Variants in ZFYVE9 observed in about 807,000 individuals in gnomAD.
ZFYVE9 encodes the protein zinc finger FYVE domain-containing protein 9.
Under a neutral mutation model 126.7 loss-of-function variants are expected in ZFYVE9, and 43 were observed. That is an observed-to-expected ratio of 0.34 (90% CI 0.27 to 0.44). The LOEUF (loss-of-function observed/expected upper bound fraction) is 0.44. Ranked by LOEUF, ZFYVE9 falls within the 20% of genes least tolerant of loss-of-function variation. The pLI is 1.00. For missense variants in ZFYVE9, 1,476 were observed against 1,697.0 expected (o/e 0.87, Z 2.29); for synonymous variants, 521 against 597.4 (o/e 0.87, Z 1.87).
chr1:52,287,203 C>T (rs903860035), intron 10 of ZFYVE9, among the ~76,000 whole-genome samples: 3 of 152,160 alleles, frequency 2.0e-5, no homozygotes, highest in Admixed American at 2.0e-4. Context: ...GATTCTCCTG[C>T]CTCAGCCTCC....
intron 1 of ZFYVE9, among the ~76,000 whole-genome samples, chr1:52,178,796 T>C (rs1644666164): frequency 6.6e-6 from 1 of 151,948 alleles, no homozygotes; most frequent in Non-Finnish European, 1.5e-5. Flanking sequence ...TAGGAAGGGA[T>C]GGATTCAAGA....
intron 12 of ZFYVE9, among the ~76,000 whole-genome samples, chr1:52,297,498 T>G (rs1248029504): frequency 6.7e-6 from 1 of 149,980 alleles, no homozygotes; most frequent in South Asian, 2.1e-4. Flanking sequence ...CTCAACCTCC[T>G]AAAGTGCTGG....
chr1:52,277,835 A>G (rs1645762964), intron 8 of ZFYVE9, among the ~76,000 whole-genome samples: 1 of 152,206 alleles, frequency 6.6e-6, no homozygotes, highest in Non-Finnish European at 1.5e-5. Context: ...ATTAAATGAG[A>G]AGAGTTACAT....
At chr1:52,336,135 A>T (rs1328611603) in intron 15 of ZFYVE9, among the ~76,000 whole-genome samples, 1 of 138,460 alleles carries the variant, frequency 7.2e-6, no homozygotes, top group Non-Finnish European at 1.5e-5. Context: ...CTCTATCTTT[A>T]AAAAAAAAAA....
intron 13 of ZFYVE9, among the ~76,000 whole-genome samples, chr1:52,322,020 A>G (rs911446967): frequency 3.9e-5 from 6 of 152,114 alleles, no homozygotes; most frequent in Admixed American, 1.3e-4. Flanking sequence ...TGACTGTCTT[A>G]TTGCCCACTT....
At chr1:52,155,133 C>T (rs1372582366) in intron 1 of ZFYVE9, among the ~76,000 whole-genome samples, 2 of 151,970 alleles carry the variant, frequency 1.3e-5, no homozygotes, top group African/African-American at 2.4e-5. Context: ...CTAGTGAATG[C>T]AGATCATTAT....
chr1:52,289,244 C>T (rs1204710087), intron 10 of ZFYVE9, among the ~76,000 whole-genome samples: 1 of 152,102 alleles, frequency 6.6e-6, no homozygotes, highest in African/African-American at 2.4e-5. Context: ...TTTCTGCTTT[C>T]TAGGTTTTAC....
chr1:52,295,572 A>C (rs1407554878), intron 11 of ZFYVE9, among the ~76,000 whole-genome samples: 1 of 152,086 alleles, frequency 6.6e-6, no homozygotes, highest in African/African-American at 2.4e-5. Context: ...TAGGTTGCAC[A>C]GGCTGGTCTC....
Position 52,254,195 on chromosome 1 carries a change from AT to A in ZFYVE9, c.2179-9577del, listed in dbSNP as rs758077829. On this transcript the variant is annotated intron_variant, in intron 4 of 18. Coordinates refer to ENST00000287727, the MANE Select transcript of ZFYVE9 (RefSeq NM_004799.4). ...TTCAATAAGGTGACTTTAAAATGATATGGAAGTCATTAAACGTATCTTTGTT... is the reference window on the plus strand; with the variant it reads ...TTCAATAAGGTGACTTTAAAATGATAGGAAGTCATTAAACGTATCTTTGTT... 1.9e-4 allele frequency: 100 copies of A among 536,110 alleles called. No homozygotes were observed. In the East Asian group the frequency reaches 3.2e-3, roughly 17 times the overall value. The allele number at this position is 536,110 out of a possible 1,614,324, so 33.2% of individuals were successfully genotyped here.
intron 1 of ZFYVE9, among the ~76,000 whole-genome samples, chr1:52,185,144 GCTTTT>G (rs2124547324): frequency 6.6e-6 from 1 of 152,264 alleles, no homozygotes; most frequent in South Asian, 2.1e-4. Context: ...CCAGGTTTAT[GCTTTT>G]CTTAAGAGGT....
intron 13 of ZFYVE9, among the ~76,000 whole-genome samples, chr1:52,325,107 A>C (rs1309219176): frequency 6.6e-6 from 1 of 152,114 alleles, no homozygotes; most frequent in Admixed American, 6.6e-5. Flanking sequence ...GTGAAACCCT[A>C]TCTCTACTAA....
At chr1:52,284,544 C>G (rs1645835883) in intron 10 of ZFYVE9, among the ~76,000 whole-genome samples, 1 of 152,050 alleles carries the variant, frequency 6.6e-6, no homozygotes, top group Non-Finnish European at 1.5e-5. Flanking sequence ...CCCAGCCTCC[C>G]AAGTAGCTGG....
intron 1 of ZFYVE9, chr1:52,160,610 G>T: frequency 1.4e-6 from 1 of 702,870 alleles, no homozygotes; most frequent in South Asian, 1.7e-5. Flanking sequence ...CATAGAGTCG[G>T]GCACCGTGTT....
chr1:52,203,966 C>G (rs977891036), intron 1 of ZFYVE9, among the ~76,000 whole-genome samples: 8 of 152,136 alleles, frequency 5.3e-5, no homozygotes, highest in Non-Finnish European at 1.0e-4. Flanking sequence ...TGCACGCTGT[C>G]TACCCGTTAT....
intron 2 of ZFYVE9, among the ~76,000 whole-genome samples, chr1:52,216,763 A>G (rs1645075620): frequency 6.6e-6 from 1 of 152,250 alleles, no homozygotes. Context: ...CAGAAAAAAT[A>G]TGGATTTGAG....
At chr1:52,188,924 A>G (rs1463037348) in intron 1 of ZFYVE9, among the ~76,000 whole-genome samples, 4 of 151,632 alleles carry the variant, frequency 2.6e-5, no homozygotes, top group Admixed American at 6.6e-5. Flanking sequence ...GTCTTATTTT[A>G]TTTTATTTTT....
chr1:52,224,225 G>T (rs1057006688), intron 2 of ZFYVE9, among the ~76,000 whole-genome samples: 1 of 152,260 alleles, frequency 6.6e-6, no homozygotes, highest in East Asian at 1.9e-4. Context: ...GCATGTTCAG[G>T]TGGCTGTCCA....
chr1:52,246,531 C>T (rs74889183), intron 4 of ZFYVE9, among the ~76,000 whole-genome samples: 4 of 145,846 alleles, frequency 2.7e-5, no homozygotes, highest in African/African-American at 2.6e-5. Context: ...GTTTTTTTTC[C>T]TGGGTTTTTT....
chr1:52,338,317 G>T (rs558138826), intron 16 of ZFYVE9, among the ~76,000 whole-genome samples: 5 of 152,288 alleles, frequency 3.3e-5, no homozygotes, highest in South Asian at 2.1e-4. Flanking sequence ...AAGGCTAAGT[G>T]ACTTTTCAGG....
Sources: gnomAD v4.1 joint callset for allele counts (sites outside exome capture counted in the v4.1 genomes callset) on GRCh38, gnomAD v4.1.1 for gene constraint, MANE v1.5 for transcripts, NCBI Gene and HGNC (gene_info 2026-07-23, HGNC 2026-07-21) for gene names.